The following FRMD6 variants were observed in gnomAD, a reference collection of about 807,000 sequenced individuals.
FRMD6 encodes FERM domain containing 6, also known as FERM domain-containing protein 6.
In FRMD6, 37 loss-of-function variants were observed where a neutral mutation model predicts 73.2. The ratio of observed to expected loss-of-function variants is 0.51; its 90% confidence interval spans 0.39 to 0.66. FRMD6 has a LOEUF of 0.66. Ranked by LOEUF, FRMD6 falls within the 30% of genes least tolerant of loss-of-function variation. The probability of loss-of-function intolerance (pLI) is 0.00; values close to 1 mark genes in which losing one functional copy is unlikely to be tolerated. For synonymous variants in FRMD6, 273 were observed against 282.2 expected (o/e 0.97, Z 0.33); for missense variants, 714 against 780.5 (o/e 0.91, Z 1.02).
intron 1 of FRMD6, among the ~76,000 whole-genome samples, chr14:51,543,292 C>G (rs1391770757): frequency 6.6e-6 from 1 of 151,826 alleles, no homozygotes; most frequent in African/African-American, 2.4e-5. Flanking sequence ...AAATTATGCC[C>G]ATTCATTTAC....
At chr14:51,406,327 T>G in the FRMD6 span, among the ~76,000 whole-genome samples, 1 of 152,094 alleles carries the variant, frequency 6.6e-6, no homozygotes, top group Non-Finnish European at 1.5e-5. Flanking sequence ...TTTGGTTCCT[T>G]AAGAATTTTT....
intron 2 of FRMD6, among the ~76,000 whole-genome samples, chr14:51,595,691 G>A (rs1194667648): frequency 6.6e-6 from 1 of 152,156 alleles, no homozygotes; most frequent in African/African-American, 2.4e-5. Flanking sequence ...AGATAATATT[G>A]TAGATCAATT....
chr14:51,497,761 C>G (rs1385000594), intron 1 of FRMD6, among the ~76,000 whole-genome samples: 1 of 152,122 alleles, frequency 6.6e-6, no homozygotes, highest in Non-Finnish European at 1.5e-5. Context: ...TCAATTTGGA[C>G]TAGCCATATT....
At chr14:51,544,437 T>A (rs1413230290) in intron 1 of FRMD6, among the ~76,000 whole-genome samples, 1 of 152,110 alleles carries the variant, frequency 6.6e-6, no homozygotes, top group Non-Finnish European at 1.5e-5. Flanking sequence ...ACATCAGTTA[T>A]TAGCTCTTTT....
upstream of FRMD6, among the ~76,000 whole-genome samples, chr14:51,488,648 T>A (rs1295458744): frequency 2.0e-5 from 3 of 152,258 alleles, no homozygotes; most frequent in African/African-American, 4.8e-5. Context: ...AAAGGAACTC[T>A]AATTGCACAT....
At chr14:51,697,771 C>A (rs1337112852) in intron 2 of FRMD6, among the ~76,000 whole-genome samples, 3 of 151,754 alleles carry the variant, frequency 2.0e-5, no homozygotes, top group Non-Finnish European at 4.4e-5. Flanking sequence ...ATTAAAAAAA[C>A]AAATGAATAA....
intron 1 of FRMD6, among the ~76,000 whole-genome samples, chr14:51,682,519 C>A (rs889953372): frequency 4.6e-5 from 7 of 152,186 alleles, no homozygotes; most frequent in African/African-American, 7.2e-5. Context: ...GCAGAATTAA[C>A]ATAATTAGCT....
At chr14:51,397,794 A>C in the FRMD6 span, among the ~76,000 whole-genome samples, 1 of 152,228 alleles carries the variant, frequency 6.6e-6, no homozygotes, top group Non-Finnish European at 1.5e-5. Flanking sequence ...TTCGTGCTTA[A>C]GATTATTTAA....
chr14:51,685,307 C>T (rs1221038159), intron 1 of FRMD6, among the ~76,000 whole-genome samples: 1 of 152,112 alleles, frequency 6.6e-6, no homozygotes, highest in African/African-American at 2.4e-5. Flanking sequence ...AGATGCTTCC[C>T]TTGATTACCC....
chr14:51,417,602 C>G, the FRMD6 span, among the ~76,000 whole-genome samples: 3 of 152,244 alleles, frequency 2.0e-5, no homozygotes, highest in East Asian at 5.8e-4. Context: ...CTTCATTTCA[C>G]CTGGGTGAAT....
intron 2 of FRMD6, among the ~76,000 whole-genome samples, chr14:51,610,196 G>A (rs1299235423): frequency 6.6e-6 from 1 of 152,074 alleles, no homozygotes; most frequent in African/African-American, 2.4e-5. Flanking sequence ...TGGACCCGGG[G>A]GTGGGGGAGT....
chr14:51,574,842 A>T (rs1265792428), intron 2 of FRMD6, among the ~76,000 whole-genome samples: 2 of 152,264 alleles, frequency 1.3e-5, no homozygotes, highest in African/African-American at 4.8e-5. Context: ...GGTTTGTAAC[A>T]CAAAGAAAGT....
At chr14:51,415,065 G>T in the FRMD6 span, among the ~76,000 whole-genome samples, 1 of 152,162 alleles carries the variant, frequency 6.6e-6, no homozygotes, top group African/African-American at 2.4e-5. Context: ...AGATGATGGG[G>T]TTTTCTAAAT....
intron 1 of FRMD6, among the ~76,000 whole-genome samples, chr14:51,655,798 G>A (rs953048601): frequency 1.3e-5 from 2 of 152,122 alleles, no homozygotes; most frequent in African/African-American, 4.8e-5. Flanking sequence ...CTTGAAATAG[G>A]ACTGCTAATT....
intron 12 of FRMD6, 63 bp from the exon 13 acceptor site, chr14:51,725,716 A>G: frequency 8.3e-7 from 1 of 1,212,036 alleles, no homozygotes; most frequent in African/African-American, 1.5e-5. Context: ...ATGTCAGAAT[A>G]TATGGCAAGA....
Position 51,715,458 on chromosome 14 carries a change from A to T in FRMD6, c.983A>T (p.Gln328Leu). 6.2e-7 allele frequency: 1 copy of T among 1,613,692 alleles called. No individual in the cohort carries two copies. The highest frequency in any genetic ancestry group is 8.5e-7 in the Non-Finnish European group (1 of 1,179,774). ...AGCCACCGCCTCTATATGAATCTGC[A>T]GCCTGTCCTGCGCCATATCCGGAAG... The part of the protein sequence containing the change: ...SNSHRLYMNL[Q>L]PVLRHIRKLE... The change falls in exon 10 of 14, where the codon CAG becomes CTG. Residue 328 changes from glutamine (Q) to leucine (L), a missense_variant. Transcript: ENST00000344768.
At chr14:51,670,837 G>A (rs945935463) in intron 1 of FRMD6, among the ~76,000 whole-genome samples, 1 of 152,014 alleles carries the variant, frequency 6.6e-6, no homozygotes, top group Non-Finnish European at 1.5e-5. Flanking sequence ...AGTAGAGATG[G>A]GGTTTCGTCA....
the FRMD6 span, among the ~76,000 whole-genome samples, chr14:51,410,490 C>G: frequency 2.6e-5 from 4 of 152,186 alleles, no homozygotes; most frequent in African/African-American, 9.7e-5. Flanking sequence ...CAATTATTCT[C>G]TTAGGAGAAG....
the FRMD6 span, among the ~76,000 whole-genome samples, chr14:51,445,800 A>G: frequency 2.6e-5 from 4 of 152,248 alleles, no homozygotes; most frequent in Admixed American, 6.5e-5. Context: ...TACCTAGCAC[A>G]AGACTGTCTT....
Sources: gnomAD v4.1 joint callset for allele counts (sites outside exome capture counted in the v4.1 genomes callset) on GRCh38, gnomAD v4.1.1 for gene constraint, MANE v1.5 for transcripts, NCBI Gene and HGNC (gene_info 2026-07-23, HGNC 2026-07-21) for gene names.